Variants in CRYBG3 observed in about 807,000 individuals in gnomAD.
CRYBG3 encodes crystallin beta-gamma domain containing 3.
In CRYBG3, 127 loss-of-function variants were observed where a neutral mutation model predicts 244.2. The ratio of observed to expected loss-of-function variants is 0.52; its 90% CI spans 0.45 to 0.60. The LOEUF is 0.60. Among genes scored for constraint, CRYBG3 ranks in the 20% least tolerant of loss-of-function variants. The probability of loss-of-function intolerance (pLI) is 0.00; values close to 1 mark genes in which losing one functional copy is unlikely to be tolerated. For missense variants in CRYBG3, 3,325 were observed against 3,442.5 expected, an observed-to-expected ratio of 0.97 and a Z score of 0.85; for synonymous variants, 1,132 against 1,195.8, an observed-to-expected ratio of 0.95 and a Z score of 1.10.
chr3:97,848,713 C>T (rs546844424), intron 2 of CRYBG3, among the ~76,000 whole-genome samples: 3 of 152,334 alleles, frequency 2.0e-5, no homozygotes, highest in South Asian at 2.1e-4. Flanking sequence ...GACAGGCATA[C>T]ACCATTGCTC....
At chr3:97,942,559 A>G in intron 21 of CRYBG3, 116 bp downstream of exon 21, 1 of 993,506 alleles carries the variant, frequency 1.0e-6, no homozygotes, top group South Asian at 2.3e-5. Flanking sequence ...GTCATTTAAA[A>G]TTATGCTTGA....
Position 97,924,180 on chromosome 3 carries a change from A to G in CRYBG3, c.8241+8444A>G, listed in dbSNP as rs1056737343. ...AAGATAACAGCATTCCAATGGAGCTATGATGAACTGTTAAATAAATGGTGT... is the reference window on the plus strand; with the variant it reads ...AAGATAACAGCATTCCAATGGAGCTGTGATGAACTGTTAAATAAATGGTGT... On this transcript the variant is annotated intron_variant, in intron 17 of 21. Transcript: ENST00000389622. 3.6e-5 allele frequency: 12 copies of G among 329,666 alleles called. 1 individual carries two copies. Among genetic ancestry groups the G allele is most frequent in the South Asian group, 2.8e-4 (12 of 42,398 alleles). The allele number at this position is 329,666 out of a possible 1,614,324, so 20.4% of individuals were successfully genotyped here.
chr3:97,907,439 A>G (rs1158241966), intron 15 of CRYBG3, among the ~76,000 whole-genome samples: 61 of 151,646 alleles, frequency 4.0e-4, no homozygotes, highest in African/African-American at 1.3e-3. Context: ...TTATTGGTCT[A>G]TTCAGAGATT....
intron 17 of CRYBG3, among the ~76,000 whole-genome samples, chr3:97,917,714 C>G (rs2039943171): frequency 6.6e-6 from 1 of 152,094 alleles, no homozygotes; most frequent in African/African-American, 2.4e-5. Context: ...CTTTTTCCCC[C>G]TCTCTGGAAG....
At chr3:97,904,350 T>G (rs2039739726) in intron 15 of CRYBG3, among the ~76,000 whole-genome samples, 1 of 152,114 alleles carries the variant, frequency 6.6e-6, no homozygotes, top group Non-Finnish European at 1.5e-5. Context: ...GTTTTTAAAG[T>G]TTGGACAAAG....
rs1395132303 is a variant in CRYBG3, at chr3:97,875,054, ATCT to A, written c.3865_3867del (p.Leu1289del). 8.5e-6 allele frequency: 13 copies of A among 1,534,590 alleles called. No homozygotes were observed. Among genetic ancestry groups the A allele is most frequent in the South Asian group, 1.2e-5 (1 of 83,686 alleles). On this transcript the variant is annotated inframe_deletion, in exon 4 of 22. Transcript: ENST00000389622. ...GTTTCACCAACAGTTGGTGAGAAGA[ATCT>A]TCTTGTTGATCCTAATAGTATGAAT...
rs2039879934 is a variant in CRYBG3, at chr3:97,912,162, T to C, written c.8005-5T>C. On this transcript the variant is annotated splice_region_variant and splice_polypyrimidine_tract_variant and intron_variant, in intron 15 of 21. Transcript: ENST00000389622. ...TATTTAACTGTTGTGTTGTTGTTCTTGTAGCTCAAAGCATTCAGCAAACCA... is the reference window on the plus strand; with the variant it reads ...TATTTAACTGTTGTGTTGTTGTTCTCGTAGCTCAAAGCATTCAGCAAACCA... The C allele has an allele frequency of 2.6e-6, 4 of 1,543,562 alleles. No individual in the cohort carries two copies. Among genetic ancestry groups the C allele is most frequent in the East Asian group, 2.3e-5 (1 of 43,530 alleles).
At chr3:97,843,121 G>A in intron 1 of CRYBG3, 74 bp from the exon 2 acceptor site, 1 of 908,304 alleles carries the variant, frequency 1.1e-6, no homozygotes, top group African/African-American at 1.7e-5. Context: ...TTCAGTTTGA[G>A]TTTAAATACA....
intron 10 of CRYBG3, 125 bp downstream of exon 10, chr3:97,889,515 G>A (rs959920797): frequency 1.2e-6 from 1 of 806,624 alleles, no homozygotes; most frequent in Admixed American, 2.2e-5. Context: ...AATGGATTTT[G>A]GGGAGGTGGG....
Position 97,872,264 on chromosome 3 carries a change from A to G in CRYBG3, c.1070A>G (p.Asp357Gly), listed in dbSNP as rs749152392. ...TCTTCTGTGACTAACTCCAGCTACG[A>G]TGGAGAATCTGACTCACAGCACCAT... Reference protein sequence around the residue: ...SPSSVTNSSYDGESDSQHHLS... With the variant: ...SPSSVTNSSYGGESDSQHHLS... Residue 357 changes from aspartate (D) to glycine (G), a missense_variant, in exon 4 of 22, where the codon GAT becomes GGT. Coordinates refer to ENST00000389622, the MANE Select transcript of CRYBG3 (RefSeq NM_153605.4). 2 of 1,535,440 alleles carry G rather than the reference A, an allele frequency of 1.3e-6. No individual in the cohort carries two copies. The highest frequency in any genetic ancestry group is 8.7e-7 in the Non-Finnish European group (1 of 1,146,432).
At position 97,872,155 on chromosome 3, in the gene CRYBG3, C is replaced by T. The variant is rs1298811028; in HGVS notation, c.961C>T (p.Pro321Ser). 4.6e-6 allele frequency: 7 copies of T among 1,535,818 alleles called. No homozygotes were observed. Among genetic ancestry groups the T allele is most frequent in the Non-Finnish European group, 6.1e-6 (7 of 1,146,728 alleles). ...CAAGGAAAATTCTTTGACAAATAAC[C>T]CAGAACTGCAGAATATTGCCTCTTC... is the stretch of plus-strand genomic sequence containing the variant. ...FNKENSLTNN[P>S]ELQNIASSNN... is the part of the protein sequence containing the mutation. The change falls in exon 4 of 22, where the codon CCA becomes TCA. Residue 321 changes from proline (P) to serine (S), a missense_variant. Coordinates refer to ENST00000389622, the MANE Select transcript of CRYBG3 (RefSeq NM_153605.4).
intron 7 of CRYBG3, among the ~76,000 whole-genome samples, chr3:97,885,957 A>G (rs2039502610): frequency 6.6e-6 from 1 of 152,174 alleles, no homozygotes; most frequent in Admixed American, 6.6e-5. Context: ...CAGTGGAAAT[A>G]TGTAAGAAGA....
Position 97,872,227 on chromosome 3 carries a change from A to C in CRYBG3, c.1033A>C (p.Arg345=), listed in dbSNP as rs1432753973. 1 of 1,535,834 alleles carries C rather than the reference A, an allele frequency of 6.5e-7. No homozygotes were observed. The highest frequency in any genetic ancestry group is 1.2e-5 in the South Asian group (1 of 84,028). ...KNAWGSIERN[R]SSPSSVTNSS... is the part of the protein sequence containing the mutation. ...TGCTTGGGGGAGTATTGAGAGAAAT[A>C]GGTCATCCCCTTCTTCTGTGACTAA... The change falls in exon 4 of 22, where the codon AGG becomes CGG. Residue 345 remains arginine (R), a synonymous_variant. Transcript: ENST00000389622.
chr3:97,837,152 G>C (rs2038746085), intron 1 of CRYBG3: 1 of 152,158 alleles, frequency 6.6e-6, no homozygotes, highest in Non-Finnish European at 1.5e-5. Flanking sequence ...GGGAGAGGGA[G>C]TGGATAGGTA....
rs766007362 is a variant in CRYBG3, at chr3:97,877,250, G to C, written c.6056G>C (p.Arg2019Thr). The C allele has an allele frequency of 7.4e-6, 12 of 1,613,936 alleles. No homozygotes were observed. Among genetic ancestry groups the C allele is most frequent in the Non-Finnish European group, 7.6e-6 (9 of 1,179,858 alleles). Residue 2019 changes from arginine (R) to threonine (T), a missense_variant, in exon 4 of 22, where the codon AGA (arginine) becomes ACA (threonine). Arg to Thr is a moderately conservative substitution (Grantham distance 71, BLOSUM62 -1). Transcript: ENST00000389622. ...EEDKYASAEA[R>T]QTQSVLFHDT... is the part of the protein sequence containing the mutation. ...GACAAGTATGCTTCCGCAGAAGCAA[G>C]ACAAACACAGTCTGTCTTGTTTCAT... is the stretch of plus-strand genomic sequence containing the variant.
chr3:97,849,190 T>C (rs970293164), intron 2 of CRYBG3, among the ~76,000 whole-genome samples: 2 of 152,228 alleles, frequency 1.3e-5, no homozygotes, highest in African/African-American at 4.8e-5. Flanking sequence ...TTAAGTACTG[T>C]ACAATGCCTG....
intron 1 of CRYBG3, among the ~76,000 whole-genome samples, chr3:97,834,435 C>CAT (rs1417407789): frequency 6.6e-6 from 1 of 152,114 alleles, no homozygotes; most frequent in East Asian, 1.9e-4. Context: ...TTTTACCTTT[C>CAT]ATATTAAAAT....
intron 12 of CRYBG3, among the ~76,000 whole-genome samples, chr3:97,897,311 AAGT>A (rs1481181694): frequency 6.6e-6 from 1 of 152,110 alleles, no homozygotes; most frequent in Non-Finnish European, 1.5e-5. Flanking sequence ...TGGAATTTAA[AAGT>A]AATCAAATTA....
Position 97,942,328 on chromosome 3 carries a change from T to C in CRYBG3, c.8709T>C (p.Pro2903=), listed in dbSNP as rs776520771. 10 of 1,611,550 alleles carry C rather than the reference T, an allele frequency of 6.2e-6. No homozygotes were observed. In the African/African-American group the frequency reaches 1.2e-4, roughly 19 times the overall value. ...ATGTGATTGGTGGCCGGGACACACC[T>C]GGAGCTAAAGTAGCTCTATGGACTG... ...CLDVIGGRDT[P]GAKVALWTEH... The change falls in exon 21 of 22, where the codon CCT becomes CCC. Residue 2903 remains proline, a synonymous_variant. Transcript: ENST00000389622.
Sources: allele counts gnomAD v4.1 joint callset (sites outside exome capture counted in the v4.1 genomes callset), GRCh38; gene constraint gnomAD v4.1.1; transcripts MANE v1.5; gene names NCBI Gene and HGNC (gene_info 2026-07-23, HGNC 2026-07-21).